The following UVRAG variants were observed in gnomAD, a reference collection of about 807,000 sequenced individuals.
The protein encoded by UVRAG is UV radiation resistance associated.
UVRAG carries 19 observed loss-of-function variants against 78.0 expected under a neutral mutation model. The ratio of observed to expected loss-of-function variants is 0.24; its 90% CI spans 0.17 to 0.36. UVRAG has a LOEUF of 0.36. Among genes scored for constraint, UVRAG ranks in the 10% least tolerant of loss-of-function variants. UVRAG has a pLI of 1.00. For missense variants in UVRAG, 740 were observed against 853.8 expected (o/e 0.87, Z 1.66); for synonymous variants, 323 against 324.6 (o/e 1.00, Z 0.05).
chr11:76,097,540 A>AT (rs562250033), intron 13 of UVRAG, among the ~76,000 whole-genome samples: 8 of 151,936 alleles, frequency 5.3e-5, no homozygotes, highest in Non-Finnish European at 8.8e-5. Context: ...TATTCCTCTG[A>AT]TGTGGTCCTT....
chr11:76,133,958 C>CTT (rs146371592), intron 14 of UVRAG, among the ~76,000 whole-genome samples: 23 of 132,876 alleles, frequency 1.7e-4, no homozygotes, highest in African/African-American at 2.9e-4. Flanking sequence ...TTTTTCTTTT[C>CTT]TTTTTTTTTT....
At position 76,142,358 on chromosome 11, in the gene UVRAG, A is replaced by G. The variant is rs1174144844; in HGVS notation, c.*945A>G. ...TTTCAGTCAGAAGGTCAGCATTTAC[A>G]TGACAGAATGTATGTAGAGAGTTGG... On this transcript the variant is annotated 3_prime_UTR_variant, in exon 15 of 15. Transcript: ENST00000356136. 6.6e-6 allele frequency: 1 copy of G among 152,330 alleles called. No homozygotes were observed. Among genetic ancestry groups the G allele is most frequent in the African/African-American group, 2.4e-5 (1 of 41,466 alleles). The allele number at this position is 152,330 out of a possible 1,614,324, so 9.4% of individuals were successfully genotyped here. A position where few individuals can be genotyped will look rare whatever the true frequency, so the allele number is the denominator to read the frequency against.
chr11:76,111,815 TC>T, intron 13 of UVRAG, among the ~76,000 whole-genome samples: 1 of 151,794 alleles, frequency 6.6e-6, no homozygotes, highest in East Asian at 1.9e-4. Flanking sequence ...TGCACAGACT[TC>T]CTTCACAGCT....
intron 1 of UVRAG, among the ~76,000 whole-genome samples, chr11:75,832,685 C>T (rs1945684897): frequency 1.3e-5 from 2 of 152,172 alleles, no homozygotes; most frequent in African/African-American, 4.8e-5. Flanking sequence ...TCCAGCCTGT[C>T]TCCCCTCCCT....
At chr11:76,097,427 A>G (rs1222199073) in intron 13 of UVRAG, among the ~76,000 whole-genome samples, 1 of 150,852 alleles carries the variant, frequency 6.6e-6, no homozygotes, top group African/African-American at 2.4e-5. Flanking sequence ...CCTTTCACTC[A>G]CTGAAATCCA....
intron 6 of UVRAG, among the ~76,000 whole-genome samples, chr11:75,928,022 A>G (rs945299318): frequency 7.9e-5 from 12 of 152,174 alleles, no homozygotes; most frequent in African/African-American, 2.4e-4. Context: ...GGATCCCTTG[A>G]GCCCAGGAAT....
At chr11:75,897,640 C>T (rs1388917019) in intron 5 of UVRAG, among the ~76,000 whole-genome samples, 1 of 151,540 alleles carries the variant, frequency 6.6e-6, no homozygotes, top group African/African-American at 2.4e-5. Flanking sequence ...TTACCTGCTT[C>T]AGCCTCCCGA....
At position 76,095,969 on chromosome 11, in the gene UVRAG, G is replaced by T. The variant is rs940088650; in HGVS notation, c.1306-19955G>T. On this transcript the variant is annotated intron_variant, in intron 13 of 14. Transcript: ENST00000356136. ...TCAACTCTCCCACAGATTAAAAACTGTAAACAAAAATATAATAAAACAATT... is the reference window on the plus strand; with the variant it reads ...TCAACTCTCCCACAGATTAAAAACTTTAAACAAAAATATAATAAAACAATT... 4.0e-5 allele frequency among the ~76,000 whole-genome samples: 6 copies of T among 150,890 alleles called. No homozygotes were observed. The East Asian group carries it at 1.2e-3, about 29-fold the overall frequency.
chr11:75,959,812 T>C (rs1335150045), intron 6 of UVRAG, among the ~76,000 whole-genome samples: 2 of 152,170 alleles, frequency 1.3e-5, no homozygotes, highest in Admixed American at 6.5e-5. Context: ...GTGAGAGACA[T>C]AGGACTATTC....
At chr11:75,919,491 T>C (rs1947928667) in intron 6 of UVRAG, among the ~76,000 whole-genome samples, 1 of 151,764 alleles carries the variant, frequency 6.6e-6, no homozygotes, top group Admixed American at 6.5e-5. Context: ...TTATACTCTT[T>C]GATTCTGGAA....
intron 5 of UVRAG, among the ~76,000 whole-genome samples, chr11:75,904,934 A>G (rs1947583961): frequency 6.6e-6 from 1 of 152,136 alleles, no homozygotes; most frequent in African/African-American, 2.4e-5. Context: ...GAGGCCTAGG[A>G]GAGTTAAATT....
Position 76,095,868 on chromosome 11 carries a change from C to G in UVRAG, c.1306-20056C>G, listed in dbSNP as rs1299675000. Among the ~76,000 whole-genome samples the G allele has an allele frequency of 3.7e-5, 4 of 106,686 alleles. No individual in the cohort carries two copies. In the East Asian group the frequency reaches 1.1e-3, roughly 29 times the overall value. The allele number at this position is 106,686 out of a possible 152,430, so 70.0% of individuals were successfully genotyped here. On this transcript the variant is annotated intron_variant, in intron 13 of 14. Coordinates refer to ENST00000356136, the MANE Select transcript of UVRAG (RefSeq NM_003369.4). ...CCTGGGCAACAGGGCAAGACTCTGT[C>G]TCAAAAAAAAAAAAAAAAAAAAAAG...
At chr11:75,834,670 C>T (rs190420706) in intron 1 of UVRAG, among the ~76,000 whole-genome samples, 26 of 152,028 alleles carry the variant, frequency 1.7e-4, no homozygotes, top group South Asian at 1.5e-3. Context: ...AAAAATTAGC[C>T]GGGTGTGGTG....
At chr11:75,878,143 A>G (rs1197332426) in intron 3 of UVRAG, among the ~76,000 whole-genome samples, 1 of 137,316 alleles carries the variant, frequency 7.3e-6, no homozygotes, top group African/African-American at 2.8e-5. Flanking sequence ...CCCTTCTCAG[A>G]TGGGGCGGCT....
chr11:75,941,470 G>A (rs939825483), intron 6 of UVRAG, among the ~76,000 whole-genome samples: 1 of 152,006 alleles, frequency 6.6e-6, no homozygotes, highest in Non-Finnish European at 1.5e-5. Context: ...AGGTTTTTTT[G>A]TTTGTTTCTT....
chr11:75,909,499 T>C (rs1008583944), intron 5 of UVRAG, among the ~76,000 whole-genome samples: 2 of 152,108 alleles, frequency 1.3e-5, no homozygotes, highest in Non-Finnish European at 2.9e-5. Flanking sequence ...AAAAAAGATT[T>C]GTCAATGTTG....
intron 13 of UVRAG, among the ~76,000 whole-genome samples, chr11:76,096,314 T>C (rs984360189): frequency 1.1e-4 from 16 of 151,956 alleles, no homozygotes; most frequent in African/African-American, 3.9e-4. Flanking sequence ...CCTGAAAAAA[T>C]GTATGTTAAA....
intron 14 of UVRAG, among the ~76,000 whole-genome samples, chr11:76,129,956 C>T (rs1430038850): frequency 6.6e-6 from 1 of 152,112 alleles, no homozygotes; most frequent in East Asian, 1.9e-4. Flanking sequence ...CTCGCTTTCT[C>T]TCTCTCTCTT....
chr11:76,132,944 C>G (rs1952538223), intron 14 of UVRAG, among the ~76,000 whole-genome samples: 1 of 152,184 alleles, frequency 6.6e-6, no homozygotes, highest in South Asian at 2.1e-4. Flanking sequence ...GGTAGACCGG[C>G]TTGGTTAAAT....
Sources: gnomAD v4.1 joint callset for allele counts (sites outside exome capture counted in the v4.1 genomes callset) on GRCh38, gnomAD v4.1.1 for gene constraint, MANE v1.5 for transcripts, NCBI Gene and HGNC (gene_info 2026-07-23, HGNC 2026-07-21) for gene names.